The following SNX16 variants were observed in gnomAD, a reference collection of about 807,000 sequenced individuals.
The protein encoded by SNX16 is sorting nexin 16.
In SNX16, 35 loss-of-function variants were observed where a neutral mutation model predicts 36.7. That is an observed-to-expected ratio of 0.95 (90% CI 0.73 to 1.27). The LOEUF is 1.27. Among genes scored for constraint, SNX16 ranks in the 50% most tolerant of loss-of-function variants. The pLI is 0.00. For missense variants in SNX16, 367 were observed against 393.6 expected (o/e 0.93, Z 0.57); for synonymous variants, 134 against 132.0 (o/e 1.02, Z -0.10).
At chr8:81,839,067 C>G (rs942951993) in intron 2 of SNX16, among the ~76,000 whole-genome samples, 6 of 152,074 alleles carry the variant, frequency 3.9e-5, no homozygotes, top group South Asian at 4.1e-4. Context: ...CCCATGAGAA[C>G]AGCTGAAATG....
chr8:81,804,033 G>T (rs550978661), intron 5 of SNX16, among the ~76,000 whole-genome samples: 1 of 151,788 alleles, frequency 6.6e-6, no homozygotes, highest in African/African-American at 2.4e-5. Context: ...AAAACACCAG[G>T]AAGACAAATC....
intron 2 of SNX16, 21 bp downstream of exon 2, chr8:81,839,591 A>T (rs1811643590): frequency 6.3e-7 from 1 of 1,588,956 alleles, no homozygotes; most frequent in South Asian, 1.1e-5. Flanking sequence ...GTAGTGTTAT[A>T]CAGCAGAAGT....
chr8:81,835,092 T>G (rs1586021279), intron 2 of SNX16, among the ~76,000 whole-genome samples: 1 of 152,230 alleles, frequency 6.6e-6, no homozygotes, highest in Non-Finnish European at 1.5e-5. Context: ...CCTCAATTCT[T>G]GACTTCTGTG....
At position 81,807,374 on chromosome 8, in the gene SNX16, C is replaced by A. The variant is rs539663638; in HGVS notation, c.682-4146G>T. Among the ~76,000 whole-genome samples, 38 of 151,680 alleles carry A rather than the reference C, an allele frequency of 2.5e-4. 1 individual carries two copies. In the South Asian group the frequency reaches 7.1e-3, roughly 28 times the overall value. On this transcript the variant is annotated intron_variant, in intron 5 of 7. Coordinates refer to ENST00000345957, the MANE Select transcript of SNX16 (RefSeq NM_152836.3). ...TCTCTACTAAAAATACAAAAATTAGCTGGATGTGGTGGTGCGTGCCTGTAA... is the reference window on the plus strand; with the variant it reads ...TCTCTACTAAAAATACAAAAATTAGATGGATGTGGTGGTGCGTGCCTGTAA...
intron 5 of SNX16, among the ~76,000 whole-genome samples, chr8:81,805,610 CAA>C (rs1429238292): frequency 6.6e-6 from 1 of 152,118 alleles, no homozygotes; most frequent in Non-Finnish European, 1.5e-5. Context: ...AAGAGATTTT[CAA>C]AAGTCATGTG....
Position 81,822,962 on chromosome 8 carries a change from A to G in SNX16, c.611+830T>C, listed in dbSNP as rs9692786. ...TATACATATACATATATATATATAT[A>G]TATATATATATATACACATATGTGT... On this transcript the variant is annotated intron_variant, in intron 4 of 7. Coordinates refer to ENST00000345957, the MANE Select transcript of SNX16 (RefSeq NM_152836.3). Among the ~76,000 whole-genome samples, 41 of 111,182 alleles carry G rather than the reference A, an allele frequency of 3.7e-4. 1 individual carries two copies. In the East Asian group the frequency reaches 7.9e-3, roughly 21 times the overall value. The allele number at this position is 111,182 out of a possible 152,430, so 72.9% of individuals were successfully genotyped here.
rs1810989483 is a variant in SNX16 at position 81,825,800 on chromosome 8, AAAAT to A, written c.463-1864_463-1861del. On this transcript the variant is annotated intron_variant, in intron 3 of 7. Coordinates refer to ENST00000345957, the MANE Select transcript of SNX16 (RefSeq NM_152836.3). Reference sequence around the variant, plus strand: ...TCTATATTTCTATAAACGTGAAGATAAAATAAATAAGGCAAAAACTAGAGAATAA... The same window carrying A: ...TCTATATTTCTATAAACGTGAAGATAAAATAAGGCAAAAACTAGAGAATAA... Among the ~76,000 whole-genome samples the A allele has an allele frequency of 2.0e-5, 3 of 152,316 alleles. No homozygotes were observed. The South Asian group carries it at 6.2e-4, about 32-fold the overall frequency.
intron 5 of SNX16, among the ~76,000 whole-genome samples, chr8:81,810,304 G>A (rs1810177169): frequency 6.6e-6 from 1 of 151,996 alleles, no homozygotes; most frequent in Non-Finnish European, 1.5e-5. Flanking sequence ...GGGTAGAAAT[G>A]ACTACCTTAA....
intron 4 of SNX16, among the ~76,000 whole-genome samples, chr8:81,819,031 C>A (rs1256105032): frequency 6.6e-6 from 1 of 151,946 alleles, no homozygotes; most frequent in African/African-American, 2.4e-5. Context: ...TTCTTTAAAG[C>A]CATGAACTGC....
chr8:81,806,951 TA>T (rs35723706), intron 5 of SNX16, among the ~76,000 whole-genome samples: 55,746 of 151,042 alleles, frequency 0.37, 10,758 homozygotes, highest in Non-Finnish European at 0.41. Flanking sequence ...TTGAAGAACT[TA>T]AAAAAAAACC....
rs762406644 is a variant in SNX16 at position 81,802,486 on chromosome 8, C to T, written c.832G>A (p.Glu278Lys). Residue 278 changes from glutamate (E) to lysine (K), a missense_variant, in exon 7 of 8, where the codon GAA becomes AAA. Glu to Lys is a moderately conservative substitution (Grantham distance 56). Coordinates refer to ENST00000345957, the MANE Select transcript of SNX16 (RefSeq NM_152836.3). Reference protein sequence around the residue: ...LENRIRTLSLEPEESLDVSET... With the variant: ...LENRIRTLSLKPEESLDVSET... ...GACACATCCAGTGATTCTTCAGGTT[C>T]TAAAGACAATGTTCTAAAAGTATGT... 5 of 1,606,922 alleles carry T rather than the reference C, an allele frequency of 3.1e-6. No homozygotes were observed. Among genetic ancestry groups the T allele is most frequent in the Non-Finnish European group, 4.2e-6 (5 of 1,176,470 alleles).
intron 5 of SNX16, 120 bp downstream of exon 5, chr8:81,815,205 A>T: frequency 1.4e-6 from 1 of 698,902 alleles, no homozygotes; most frequent in Non-Finnish European, 2.2e-6. Context: ...TTTCTGTGCA[A>T]AACTACCATA....
Position 81,823,945 on chromosome 8 carries a change from A to G in SNX16, c.463-5T>C. The G allele has an allele frequency of 6.2e-7, 1 of 1,603,240 alleles. No individual in the cohort carries two copies. The highest frequency in any genetic ancestry group is 8.5e-7 in the Non-Finnish European group (1 of 1,176,454). On this transcript the variant is annotated splice_region_variant and splice_polypyrimidine_tract_variant and intron_variant, in intron 3 of 7. Transcript: ENST00000345957. Reference sequence around the variant, plus strand: ...ACCTGGAAACATCTCTTTTAACTGAAAAAGAAGAAAAGAGCAAATACAATG... The same window carrying G: ...ACCTGGAAACATCTCTTTTAACTGAGAAAGAAGAAAAGAGCAAATACAATG...
At chr8:81,819,183 A>G (rs1050823056) in intron 4 of SNX16, among the ~76,000 whole-genome samples, 1 of 152,128 alleles carries the variant, frequency 6.6e-6, no homozygotes, top group African/African-American at 2.4e-5. Context: ...AAAAATTAAA[A>G]AGAAAAAAAT....
chr8:81,838,715 A>G (rs773765357), intron 2 of SNX16, among the ~76,000 whole-genome samples: 20 of 152,104 alleles, frequency 1.3e-4, no homozygotes, highest in Non-Finnish European at 2.6e-4. Context: ...GTAGCCTTGG[A>G]GTAGGCAAAG....
At position 81,839,648 on chromosome 8, in the gene SNX16, CA is replaced by C; in HGVS notation, c.338del (p.Leu113ArgfsTer5). ...WEDRPSTPTI[L>X]GYEVMEERAK... ...CTCTTTCTTCCATCACTTCATAACC[CA>C]GTATAGTAGGTGTAGATGGTCTATC... On this transcript the variant is annotated frameshift_variant, in exon 2 of 8. Transcript: ENST00000345957. LOFTEE classifies it high-confidence loss of function. The C allele has an allele frequency of 6.2e-7, 1 of 1,613,602 alleles. No homozygotes were observed. Among genetic ancestry groups the C allele is most frequent in the East Asian group, 2.2e-5 (1 of 44,850 alleles).
chr8:81,820,905 C>T (rs774462), intron 4 of SNX16, among the ~76,000 whole-genome samples: 37,454 of 150,860 alleles, frequency 0.25, 5,188 homozygotes, highest in East Asian at 0.37. Context: ...ATAACCCTTC[C>T]TCCTCTTCTC....
At chr8:81,831,044 G>C (rs1811245447) in intron 2 of SNX16, among the ~76,000 whole-genome samples, 1 of 152,144 alleles carries the variant, frequency 6.6e-6, no homozygotes, top group African/African-American at 2.4e-5. Flanking sequence ...AGCAGGGCTT[G>C]GATAACTGGC....
chr8:81,836,906 T>C (rs532591589), intron 2 of SNX16, among the ~76,000 whole-genome samples: 1 of 152,320 alleles, frequency 6.6e-6, no homozygotes, highest in African/African-American at 2.4e-5. Context: ...CTATGTGATC[T>C]GTGTGCCACA....
Sources: gnomAD v4.1 joint callset for allele counts (sites outside exome capture counted in the v4.1 genomes callset) on GRCh38, gnomAD v4.1.1 for gene constraint, MANE v1.5 for transcripts, NCBI Gene and HGNC (gene_info 2026-07-23, HGNC 2026-07-21) for gene names.